The following WWOX variants were observed in gnomAD, a reference collection of about 807,000 sequenced individuals.
The protein encoded by WWOX is WW domain-containing oxidoreductase.
In WWOX, 69 loss-of-function variants were observed where a neutral mutation model predicts 46.2. That is an observed-to-expected ratio of 1.49 (90% CI 1.23 to 1.82). WWOX has a LOEUF of 1.82. Among genes scored for constraint, WWOX ranks in the 40% most tolerant of loss-of-function variants. The probability of loss-of-function intolerance (pLI) is 0.00; values close to 1 mark genes in which losing one functional copy is unlikely to be tolerated. For synonymous variants in WWOX, 359 were observed against 202.6 expected (o/e 1.77, Z -6.56); for missense variants, 919 against 542.6 (o/e 1.69, Z -6.89).
At chr16:78,468,264 C>CT (rs57174158) in intron 8 of WWOX, among the ~76,000 whole-genome samples, 12,903 of 136,652 alleles carry the variant, frequency 0.094, 1,084 homozygotes, top group African/African-American at 0.22. Flanking sequence ...GGCTGCCTTT[C>CT]TTTTTTTTTT....
intron 8 of WWOX, among the ~76,000 whole-genome samples, chr16:78,919,524 GTTT>G (rs869086458): frequency 6.7e-4 from 9 of 13,522 alleles, no homozygotes; most frequent in Admixed American, 4.1e-3. Flanking sequence ...TTTTTGTTTT[GTTT>G]TTTTTTTTTT....
intron 5 of WWOX, among the ~76,000 whole-genome samples, chr16:78,224,022 A>G (rs988080460): frequency 1.3e-5 from 2 of 151,854 alleles, no homozygotes; most frequent in Non-Finnish European, 2.9e-5. Context: ...CTTTTTTTTG[A>G]GACTGGAGTC....
At chr16:78,991,880 C>T (rs1034803372) in intron 8 of WWOX, among the ~76,000 whole-genome samples, 4 of 152,186 alleles carry the variant, frequency 2.6e-5, no homozygotes, top group Middle Eastern at 3.4e-3. Context: ...TGTGGTCTTG[C>T]GATCACCTCC....
chr16:78,974,566 C>G (rs574904622), intron 8 of WWOX, among the ~76,000 whole-genome samples: 12 of 152,282 alleles, frequency 7.9e-5, no homozygotes, highest in African/African-American at 2.2e-4. Context: ...AAATATTGTG[C>G]AATGTGCAGG....
chr16:78,306,738 T>C (rs1156955707), intron 5 of WWOX, among the ~76,000 whole-genome samples: 4 of 151,790 alleles, frequency 2.6e-5, no homozygotes, highest in African/African-American at 9.7e-5. Flanking sequence ...ACAACCCCAG[T>C]GAGCCCCACT....
At chr16:78,872,766 C>G (rs2044154824) in intron 8 of WWOX, 2 of 152,208 alleles carry the variant, frequency 1.3e-5, no homozygotes, top group Admixed American at 6.6e-5. Context: ...AGCATCAACA[C>G]TTACTTCACA....
At chr16:78,517,801 TGTC>T (rs1356890858) in intron 8 of WWOX, among the ~76,000 whole-genome samples, 1 of 151,126 alleles carries the variant, frequency 6.6e-6, no homozygotes, top group East Asian at 1.9e-4. Context: ...TTAAGAGTGA[TGTC>T]GTTTTATATA....
intron 8 of WWOX, among the ~76,000 whole-genome samples, chr16:78,564,443 G>T (rs2044514667): frequency 6.6e-6 from 1 of 152,018 alleles, no homozygotes; most frequent in Non-Finnish European, 1.5e-5. Context: ...TATGCTACAG[G>T]GATATTCAAG....
intron 8 of WWOX, among the ~76,000 whole-genome samples, chr16:78,547,864 A>G (rs2044078545): frequency 6.6e-6 from 1 of 152,004 alleles, no homozygotes; most frequent in South Asian, 2.1e-4. Flanking sequence ...TTAAATTTCA[A>G]CATATGGCTG....
intron 5 of WWOX, among the ~76,000 whole-genome samples, chr16:78,337,173 T>A (rs2151897099): frequency 6.6e-6 from 1 of 152,326 alleles, no homozygotes; most frequent in Middle Eastern, 3.4e-3. Context: ...GGTAGCCAGT[T>A]TATAACCTGT....
At chr16:78,849,335 C>G (rs2052380848) in intron 8 of WWOX, among the ~76,000 whole-genome samples, 1 of 151,906 alleles carries the variant, frequency 6.6e-6, no homozygotes, top group Non-Finnish European at 1.5e-5. Flanking sequence ...CTTTGGGAGG[C>G]CGAGGCGGGG....
chr16:78,229,464 A>ATCTCTC (rs10664323), intron 5 of WWOX, among the ~76,000 whole-genome samples: 3 of 146,934 alleles, frequency 2.0e-5, no homozygotes, highest in South Asian at 2.1e-4. Flanking sequence ...TTTCTGTTTT[A>ATCTCTC]TCTCTCTCTA....
At chr16:78,438,808 A>G (rs550885629) in intron 8 of WWOX, among the ~76,000 whole-genome samples, 1 of 152,206 alleles carries the variant, frequency 6.6e-6, no homozygotes, top group East Asian at 1.9e-4. Context: ...ATGTGCAGCT[A>G]CCCTGCTAAT....
chr16:79,205,849 T>G (rs2051491747), intron 8 of WWOX: 1 of 152,154 alleles, frequency 6.6e-6, no homozygotes, highest in Non-Finnish European at 1.5e-5. Context: ...GCAAACCTGA[T>G]GAAACACTCC....
rs79064575 is a variant in WWOX, at chr16:78,424,567, A to T, written c.606-303A>T. 0.024 allele frequency among the ~76,000 whole-genome samples: 3,579 copies of T among 152,112 alleles called. 55 individuals carry two copies. The highest frequency in any genetic ancestry group is 0.054 in the African/African-American group (2,220 of 41,482). ...AACCTGAGTTCCAACTAGGGTGACA[A>T]CTCTTCGCAGATTGCCTGCTGCTGT... is the stretch of plus-strand genomic sequence containing the variant. On this transcript the variant is annotated intron_variant, in intron 6 of 8. Transcript: ENST00000566780.
intron 8 of WWOX, among the ~76,000 whole-genome samples, chr16:79,193,075 A>G (rs1478036963): frequency 6.6e-6 from 1 of 152,128 alleles, no homozygotes; most frequent in African/African-American, 2.4e-5. Context: ...ACGATCTTTG[A>G]CCTCTGTGAT....
At chr16:78,695,067 T>C (rs993472266) in intron 8 of WWOX, among the ~76,000 whole-genome samples, 2 of 152,316 alleles carry the variant, frequency 1.3e-5, no homozygotes, top group South Asian at 2.1e-4. Flanking sequence ...CAAAATATTA[T>C]TGATCTAGAC....
intron 8 of WWOX, among the ~76,000 whole-genome samples, chr16:78,835,190 C>G (rs992942213): frequency 6.6e-6 from 1 of 152,152 alleles, no homozygotes; most frequent in Non-Finnish European, 1.5e-5. Context: ...CATTAGCTGT[C>G]TTTATTATAG....
At chr16:78,234,949 C>T (rs2037388146) in intron 5 of WWOX, among the ~76,000 whole-genome samples, 1 of 151,562 alleles carries the variant, frequency 6.6e-6, no homozygotes, top group East Asian at 1.9e-4. Flanking sequence ...GGATATAAAC[C>T]CAACTTCAAA....
Sources: allele counts gnomAD v4.1 joint callset (sites outside exome capture counted in the v4.1 genomes callset), GRCh38; gene constraint gnomAD v4.1.1; transcripts MANE v1.5; gene names NCBI Gene and HGNC (gene_info 2026-07-23, HGNC 2026-07-21).